REPS1: variants seen among roughly 807,000 people sequenced by gnomAD.
REPS1 encodes RALBP1 associated Eps domain containing 1.
A neutral mutation model predicts 100.9 loss-of-function variants in REPS1; 39 were observed. That is an observed-to-expected ratio of 0.39 (90% confidence interval 0.30 to 0.50). REPS1 has a LOEUF of 0.50. REPS1 is among the 20% of genes least tolerant of loss of function. The pLI, the probability that REPS1 is intolerant of heterozygous loss-of-function variation, is 0.86. For missense variants in REPS1, 821 were observed against 968.5 expected (o/e 0.85, Z 2.02); for synonymous variants, 324 against 340.3 (o/e 0.95, Z 0.53).
intron 1 of REPS1, among the ~76,000 whole-genome samples, chr6:138,986,271 T>A (rs748558950): frequency 2.0e-5 from 3 of 152,252 alleles, no homozygotes; most frequent in Non-Finnish European, 1.5e-5. Context: ...TGCCCTTCAC[T>A]GGCACGTAAG....
intron 1 of REPS1, among the ~76,000 whole-genome samples, chr6:138,979,220 T>C (rs1582865487): frequency 7.8e-6 from 1 of 128,208 alleles, no homozygotes; most frequent in East Asian, 2.1e-4. Flanking sequence ...ACTGAAGAAG[T>C]ATCCCCTTCC....
intron 1 of REPS1, among the ~76,000 whole-genome samples, chr6:138,965,378 AC>A (rs1484802101): frequency 2.6e-5 from 4 of 152,102 alleles, no homozygotes; most frequent in South Asian, 2.1e-4. Flanking sequence ...TAAAAAAAAA[AC>A]AAATAAGATT....
At position 138,987,509 on chromosome 6, in the gene REPS1, GGCCCC is replaced by G; in HGVS notation, c.153+16_153+20del. On this transcript the variant is annotated intron_variant, in intron 1 of 19. Coordinates refer to ENST00000450536, the MANE Select transcript of REPS1 (RefSeq NM_001286611.2). ...TGACTGCAGGCCTAAGCCGCCCGCC[GGCCCC>G]GGGACGCGACGTTACCTGTAGGACC... 1 of 1,543,154 alleles carries G rather than the reference GGCCCC, an allele frequency of 6.5e-7. No homozygotes were observed. The highest frequency in any genetic ancestry group is 1.2e-5 in the South Asian group (1 of 83,404).
chr6:138,942,192 C>T (rs1292283444), intron 7 of REPS1, among the ~76,000 whole-genome samples: 1 of 152,140 alleles, frequency 6.6e-6, no homozygotes, highest in Non-Finnish European at 1.5e-5. Context: ...AGGCTTAAAA[C>T]AGAAATACAG....
intron 1 of REPS1, among the ~76,000 whole-genome samples, chr6:138,956,510 T>C (rs1236460514): frequency 1.3e-5 from 2 of 151,748 alleles, no homozygotes; most frequent in Non-Finnish European, 2.9e-5. Context: ...CCTAAAAGAA[T>C]GAAACGTTAG....
chr6:138,911,257 T>C lies in REPS1; in HGVS notation c.2067+19A>G, dbSNP rs747238395. On this transcript the variant is annotated intron_variant, in intron 17 of 19. Coordinates refer to ENST00000450536, the MANE Select transcript of REPS1 (RefSeq NM_001286611.2). ...CTTATGATGTACAAAATTATTATTA[T>C]AAAAGACATTTTGCATACCACATTG... 2 of 1,483,348 alleles carry C rather than the reference T, an allele frequency of 1.3e-6. No individual in the cohort carries two copies. The highest frequency in any genetic ancestry group is 1.9e-6 in the Non-Finnish European group (2 of 1,065,308). 91.9% of individuals were successfully genotyped at this position (1,483,348 alleles called of 1,614,324 possible).
intron 1 of REPS1, among the ~76,000 whole-genome samples, chr6:138,978,953 C>G (rs1007990096): frequency 1.3e-4 from 20 of 152,012 alleles, no homozygotes; most frequent in Admixed American, 7.9e-4. Context: ...GAGGCCAAGG[C>G]AGGCAGATCA....
At chr6:138,974,938 C>T (rs1450861714) in intron 1 of REPS1, among the ~76,000 whole-genome samples, 4 of 151,528 alleles carry the variant, frequency 2.6e-5, no homozygotes, top group South Asian at 4.2e-4. Flanking sequence ...TGCAGTGAGC[C>T]GTGATAATGC....
chr6:138,950,242 G>A (rs1782926839), intron 1 of REPS1, among the ~76,000 whole-genome samples: 1 of 152,076 alleles, frequency 6.6e-6, no homozygotes, highest in African/African-American at 2.4e-5. Context: ...GGGAGGCCAA[G>A]GTAGGAGGAC....
Position 138,915,923 on chromosome 6 carries a change from CT to C in REPS1, c.1654del (p.Arg552GlyfsTer12). 6.2e-7 allele frequency: 1 copy of C among 1,613,892 alleles called. No individual in the cohort carries two copies. The highest frequency in any genetic ancestry group is 8.5e-7 in the Non-Finnish European group (1 of 1,179,914). On this transcript the variant is annotated frameshift_variant, in exon 14 of 20. Transcript: ENST00000450536. Reference protein sequence around the residue: ...DNTAPPPPPPRPQPSHSRSSS... With the variant: ...DNTAPPPPPPXPQPSHSRSSS... ...TGATCTAGAATGAGAGGGCTGTGGCCTTGGAGGGGGAGGTGGTGGTGCAGTG... is the reference window on the plus strand; with the variant it reads ...TGATCTAGAATGAGAGGGCTGTGGCCTGGAGGGGGAGGTGGTGGTGCAGTG...
intron 10 of REPS1, among the ~76,000 whole-genome samples, 195 bp from the exon 11 acceptor site, chr6:138,921,319 T>C (rs1467491697): frequency 6.6e-6 from 1 of 151,904 alleles, no homozygotes; most frequent in African/African-American, 2.4e-5. Flanking sequence ...ATATGCCTAG[T>C]ATCTGCTTAA....
chr6:138,910,246 C>T (rs1387862136), intron 17 of REPS1, among the ~76,000 whole-genome samples: 2 of 152,170 alleles, frequency 1.3e-5, no homozygotes, highest in Non-Finnish European at 2.9e-5. Flanking sequence ...TGTGACACAC[C>T]GGCTCCCACT....
At position 138,947,814 on chromosome 6, in the gene REPS1, A is replaced by C. The variant is rs375526112; in HGVS notation, c.253T>G (p.Leu85Val). Residue 85 changes from leucine to valine, a missense_variant, in exon 2 of 20, where the codon TTA (leucine) becomes GTA (valine). Coordinates refer to ENST00000450536, the MANE Select transcript of REPS1 (RefSeq NM_001286611.2). ...CCTGTATTTATACTTTCCACTCTTAAAGGGAAACCAGACTGGGCAACAGCT... is the reference window on the plus strand; with the variant it reads ...CCTGTATTTATACTTTCCACTCTTACAGGGAAACCAGACTGGGCAACAGCT... ...LVAVAQSGFP[L>V]RVESINTVKD... 18 of 1,609,348 alleles carry C rather than the reference A, an allele frequency of 1.1e-5. No homozygotes were observed. The highest frequency in any genetic ancestry group is 1.4e-5 in the Non-Finnish European group (16 of 1,178,246).
intron 1 of REPS1, among the ~76,000 whole-genome samples, chr6:138,948,123 T>C (rs1782758430): frequency 6.6e-6 from 1 of 152,228 alleles, no homozygotes; most frequent in East Asian, 1.9e-4. Context: ...CATTCTCCTA[T>C]TTATCAAAAT....
chr6:138,912,654 C>T lies in REPS1; in HGVS notation c.1971+111G>A, dbSNP rs913752946. 5.9e-6 allele frequency: 6 copies of T among 1,009,502 alleles called. No individual in the cohort carries two copies. In the African/African-American group the frequency reaches 9.7e-5, roughly 16 times the overall value. 62.5% of individuals were successfully genotyped at this position (1,009,502 alleles called of 1,614,324 possible). A position where few individuals can be genotyped will look rare whatever the true frequency, so the allele number is the denominator to read the frequency against. On this transcript the variant is annotated intron_variant, in intron 16 of 19. Transcript: ENST00000450536. Reference sequence around the variant, plus strand: ...CAATAAAAAAGATGAGAAGCACTGACCCAGGGAATATTTTACTCACTGATG... The same window carrying T: ...CAATAAAAAAGATGAGAAGCACTGATCCAGGGAATATTTTACTCACTGATG...
chr6:138,914,745 T>C lies in REPS1; in HGVS notation c.1737A>G (p.Gly579=). 1 of 1,611,704 alleles carries C rather than the reference T, an allele frequency of 6.2e-7. No homozygotes were observed. The highest frequency in any genetic ancestry group is 8.5e-7 in the Non-Finnish European group (1 of 1,179,334). The change falls in exon 15 of 20, where the codon GGA becomes GGG. Residue 579 remains glycine, a synonymous_variant. Coordinates refer to ENST00000450536, the MANE Select transcript of REPS1 (RefSeq NM_001286611.2). The part of the protein sequence containing the change: ...FTVTTGQQQA[G]VVAHPPAVPP... ...GCACTGCAGGAGGATGGGCAACAAC[T>C]CCAGCCTGTTGTTGTCCTGCATGAA... is the stretch of plus-strand genomic sequence containing the variant.
intron 1 of REPS1, among the ~76,000 whole-genome samples, chr6:138,967,623 C>T (rs1784094533): frequency 6.6e-6 from 1 of 152,086 alleles, no homozygotes; most frequent in African/African-American, 2.4e-5. Flanking sequence ...TCTCCCTTGC[C>T]TATTTACCAT....
intron 1 of REPS1, among the ~76,000 whole-genome samples, chr6:138,986,436 T>C (rs1785261849): frequency 6.6e-6 from 1 of 152,232 alleles, no homozygotes; most frequent in African/African-American, 2.4e-5. Flanking sequence ...TGGAAGAAAC[T>C]TGCCTTCATT....
At chr6:138,958,861 A>G (rs1048935855) in intron 1 of REPS1, among the ~76,000 whole-genome samples, 7 of 152,172 alleles carry the variant, frequency 4.6e-5, no homozygotes, top group Non-Finnish European at 8.8e-5. Context: ...GAGTTTTTAA[A>G]ACTATAAAAC....
Sources: allele counts gnomAD v4.1 joint callset (sites outside exome capture counted in the v4.1 genomes callset), GRCh38; gene constraint gnomAD v4.1.1; transcripts MANE v1.5; gene names NCBI Gene and HGNC (gene_info 2026-07-23, HGNC 2026-07-21).